Variants in DACH2 observed in about 807,000 individuals in gnomAD.
DACH2 encodes the protein dachshund homolog 2.
DACH2 carries 17 observed loss-of-function variants against 35.8 expected under a neutral mutation model. The observed-to-expected ratio is 0.48, with a 90% CI of 0.33 to 0.71. The LOEUF is 0.71. Among genes scored for constraint, DACH2 ranks in the 30% least tolerant of loss-of-function variants. The pLI, the probability that DACH2 is intolerant of heterozygous loss-of-function variation, is 0.02. For synonymous variants in DACH2, 195 were observed against 177.3 expected (o/e 1.10, Z -0.79); for missense variants, 469 against 472.7 (o/e 0.99, Z 0.07).
At chrX:86,318,159 T>A (rs1452094213) in intron 1 of DACH2, among the ~76,000 whole-genome samples, 1 of 112,174 alleles carries the variant, frequency 8.9e-6, no homozygotes, top group Non-Finnish European at 1.9e-5. Context: ...TCAAACCTTG[T>A]TTACAGGAGT....
intron 1 of DACH2, among the ~76,000 whole-genome samples, chrX:86,187,417 G>GTT (rs754834305): frequency 1.8e-4 from 16 of 91,260 alleles, no homozygotes; most frequent in Admixed American, 6.1e-4. Context: ...ATCTGACTTA[G>GTT]TTTTTTTTTT....
rs191091303 is a variant in DACH2, at chrX:86,629,806, G to A, written c.641-21230G>A. The stretch of plus-strand genomic sequence containing the variant: ...AGGTGGGAGGATCCATTGAGTCTGG[G>A]GTGGTTGAGGTTGAACTGTGATTGT... On this transcript the variant is annotated intron_variant, in intron 3 of 11. Coordinates refer to ENST00000373125, the MANE Select transcript of DACH2 (RefSeq NM_053281.3). 1.4e-3 allele frequency among the ~76,000 whole-genome samples: 151 copies of A among 110,611 alleles called. 1 individual carries two copies. Among genetic ancestry groups the A allele is most frequent in the South Asian group, 1.2e-3 (3 of 2,581 alleles).
chrX:86,627,484 G>C (rs1055103711), intron 3 of DACH2, among the ~76,000 whole-genome samples: 7 of 111,169 alleles, frequency 6.3e-5, no homozygotes, highest in African/African-American at 1.6e-4. Context: ...TTTGATATTT[G>C]TATCTCAAAA....
chrX:86,772,618 A>G (rs2041997290), intron 7 of DACH2, among the ~76,000 whole-genome samples: 1 of 111,971 alleles, frequency 8.9e-6, no homozygotes, highest in Non-Finnish European at 1.9e-5. Context: ...TAAAAGAATG[A>G]AAACAAAGAA....
intron 7 of DACH2, among the ~76,000 whole-genome samples, chrX:86,779,418 G>T (rs2042068728): frequency 9.0e-6 from 1 of 111,303 alleles, no homozygotes; most frequent in Admixed American, 9.6e-5. Flanking sequence ...GAATTAAAGG[G>T]GTCCAGATCA....
chrX:86,271,425 A>G (rs2033811936), intron 1 of DACH2, among the ~76,000 whole-genome samples: 1 of 112,257 alleles, frequency 8.9e-6, no homozygotes, highest in Admixed American at 9.5e-5. Context: ...TTTCTATAAT[A>G]TATTTGCCTT....
chrX:86,711,471 G>A (rs1326759663), intron 5 of DACH2, among the ~76,000 whole-genome samples: 1 of 112,168 alleles, frequency 8.9e-6, no homozygotes, highest in Non-Finnish European at 1.9e-5. Context: ...GAAGTCAATA[G>A]GAAAAGAGAT....
chrX:86,260,360 T>C (rs891390554), intron 1 of DACH2, among the ~76,000 whole-genome samples: 1 of 111,316 alleles, frequency 9.0e-6, no homozygotes, highest in Non-Finnish European at 1.9e-5. Flanking sequence ...ACCTCCTCTA[T>C]GTAAAGATAC....
At chrX:86,606,004 C>A (rs2039853239) in intron 3 of DACH2, among the ~76,000 whole-genome samples, 1 of 111,098 alleles carries the variant, frequency 9.0e-6, no homozygotes, top group Non-Finnish European at 1.9e-5. Context: ...CTATGGTCCC[C>A]ATGTGATACT....
At chrX:86,216,885 A>G (rs183184430) in intron 1 of DACH2, among the ~76,000 whole-genome samples, 246 of 111,334 alleles carry the variant, frequency 2.2e-3, no homozygotes, top group African/African-American at 7.8e-3. Flanking sequence ...ACTCAAGGCC[A>G]GGAGTTTGAG....
At chrX:86,244,664 C>A (rs947416811) in intron 1 of DACH2, among the ~76,000 whole-genome samples, 2 of 111,918 alleles carry the variant, frequency 1.8e-5, no homozygotes, top group Admixed American at 9.5e-5. Context: ...GTCTGTGTGA[C>A]ATGCAACTCA....
At chrX:86,339,308 C>T (rs1394817216) in intron 1 of DACH2, among the ~76,000 whole-genome samples, 1 of 111,828 alleles carries the variant, frequency 8.9e-6, no homozygotes, top group East Asian at 2.8e-4. Flanking sequence ...CTCAAGAGAT[C>T]AGAGCAAGGG....
intron 1 of DACH2, among the ~76,000 whole-genome samples, chrX:86,178,239 A>G (rs2031369218): frequency 9.0e-6 from 1 of 111,598 alleles, no homozygotes; most frequent in Non-Finnish European, 1.9e-5. Flanking sequence ...CTGAAGTCTT[A>G]TCTTCTCTAT....
chrX:86,244,568 T>C (rs368636264), intron 1 of DACH2, among the ~76,000 whole-genome samples: 1 of 111,563 alleles, frequency 9.0e-6, no homozygotes, highest in African/African-American at 3.3e-5. Context: ...GAGCCACAAT[T>C]GTACCACTGC....
chrX:86,176,080 G>T (rs1166985720), intron 1 of DACH2, among the ~76,000 whole-genome samples: 1 of 110,873 alleles, frequency 9.0e-6, no homozygotes, highest in Non-Finnish European at 1.9e-5. Flanking sequence ...TATTTAATTA[G>T]AATTGTGGTT....
intron 3 of DACH2, among the ~76,000 whole-genome samples, chrX:86,541,757 T>C (rs982849645): frequency 1.8e-5 from 2 of 111,622 alleles, no homozygotes; most frequent in African/African-American, 6.5e-5. Context: ...AACAACTATA[T>C]GAGATAGGTA....
intron 2 of DACH2, among the ~76,000 whole-genome samples, chrX:86,398,969 A>C (rs2036361603): frequency 1.8e-5 from 2 of 111,208 alleles, no homozygotes; most frequent in South Asian, 7.6e-4. Context: ...TGATCTGTCT[A>C]ATGTTGACAG....
chrX:86,395,352 CTATT>C (rs928476828), intron 2 of DACH2, among the ~76,000 whole-genome samples: 17 of 110,720 alleles, frequency 1.5e-4, no homozygotes, highest in African/African-American at 4.6e-4. Context: ...ATACAACAAA[CTATT>C]TGTTATATAT....
At chrX:86,686,221 TTTTATTTA>T (rs755445736) in intron 4 of DACH2, among the ~76,000 whole-genome samples, 2 of 111,010 alleles carry the variant, frequency 1.8e-5, no homozygotes, top group South Asian at 3.8e-4. Context: ...GGTATTTTTA[TTTTATTTA>T]TTTATTTATT....
Sources: gnomAD v4.1 joint callset for allele counts (sites outside exome capture counted in the v4.1 genomes callset) on GRCh38, gnomAD v4.1.1 for gene constraint, MANE v1.5 for transcripts, NCBI Gene and HGNC (gene_info 2026-07-23, HGNC 2026-07-21) for gene names.